PIP4K2A: variants seen among roughly 807,000 people sequenced by gnomAD.
PIP4K2A encodes the protein phosphatidylinositol 5-phosphate 4-kinase type-2 alpha.
PIP4K2A carries 14 observed loss-of-function variants against 42.9 expected under a neutral mutation model. The observed-to-expected ratio is 0.33, with a 90% CI of 0.22 to 0.51. The LOEUF (loss-of-function observed/expected upper bound fraction) is 0.51, where lower values mean the gene tolerates loss of function less well. Ranked by LOEUF, PIP4K2A falls within the 20% of genes least tolerant of loss-of-function variation. The pLI, the probability that PIP4K2A is intolerant of heterozygous loss-of-function variation, is 0.97. For synonymous variants in PIP4K2A, 192 were observed against 192.2 expected (o/e 1.00, Z 0.01); for missense variants, 434 against 519.8 (o/e 0.83, Z 1.61).
chr10:22,692,262 ATGAGAATCTAATGCTGCT>A (rs2130900827), intron 1 of PIP4K2A, among the ~76,000 whole-genome samples: 1 of 152,110 alleles, frequency 6.6e-6, no homozygotes, highest in African/African-American at 2.4e-5. Flanking sequence ...TTGCGCTCCT[ATGAGAATCTAATGCTGCT>A]GCTGATCTGA....
chr10:22,620,929 C>T (rs1211250863), intron 1 of PIP4K2A, among the ~76,000 whole-genome samples: 2 of 152,216 alleles, frequency 1.3e-5, no homozygotes, highest in Admixed American at 6.5e-5. Context: ...TGTGGCAGTG[C>T]AGGGACAAAG....
intron 1 of PIP4K2A, among the ~76,000 whole-genome samples, chr10:22,677,666 G>GA (rs1839584600): frequency 6.6e-6 from 1 of 152,080 alleles, no homozygotes; most frequent in South Asian, 2.1e-4. Context: ...AAAGGTACAA[G>GA]AAAAAAATAA....
In PIP4K2A at chr10:22,671,699, C is replaced by G. The variant is rs576391501; in HGVS notation, c.144+42484G>C. 4.0e-5 allele frequency among the ~76,000 whole-genome samples: 6 copies of G among 151,832 alleles called. No homozygotes were observed. In the South Asian group the frequency reaches 6.3e-4, roughly 16 times the overall value. ...CTTGAAGAAAAGGTTACTGAGAAGA[C>G]AGTTTTCACTATTAATTGCCTGAAT... On this transcript the variant is annotated intron_variant, in intron 1 of 9. Transcript: ENST00000376573.
rs191573393 is a variant in PIP4K2A at position 22,634,723 on chromosome 10, T to C, written c.145-25006A>G. Among the ~76,000 whole-genome samples the C allele has an allele frequency of 2.4e-3, 370 of 152,100 alleles. 5 individuals are homozygous for C. Among genetic ancestry groups the C allele is most frequent in the African/African-American group, 6.9e-3 (286 of 41,484 alleles). ...TGTAAAGTGTTTTAGGAAGCATACA[T>C]TTTTTTTAATCTATAGAGAAACCAT... is the stretch of plus-strand genomic sequence containing the variant. On this transcript the variant is annotated intron_variant, in intron 1 of 9. Coordinates refer to ENST00000376573, the MANE Select transcript of PIP4K2A (RefSeq NM_005028.5).
intron 1 of PIP4K2A, among the ~76,000 whole-genome samples, chr10:22,679,764 G>A (rs1354526054): frequency 3.3e-5 from 5 of 152,120 alleles, no homozygotes; most frequent in African/African-American, 4.8e-5. Flanking sequence ...GGTACAATGT[G>A]GATGAACCTT....
chr10:22,650,805 GGA>G (rs1448059276), intron 1 of PIP4K2A, among the ~76,000 whole-genome samples: 1 of 151,222 alleles, frequency 6.6e-6, no homozygotes, highest in East Asian at 1.9e-4. Context: ...TAAACTAGAT[GGA>G]GAGTTTCTTC....
chr10:22,625,860 A>G (rs948607349), intron 1 of PIP4K2A, among the ~76,000 whole-genome samples: 1 of 152,206 alleles, frequency 6.6e-6, no homozygotes, highest in African/African-American at 2.4e-5. Flanking sequence ...ATTCTCACTG[A>G]ACAGAAGAGA....
Position 22,679,369 on chromosome 10 carries a change from C to A in PIP4K2A, c.144+34814G>T, listed in dbSNP as rs146155284. Among the ~76,000 whole-genome samples the A allele has an allele frequency of 1.1e-4, 16 of 152,310 alleles. No individual in the cohort carries two copies. In the East Asian group the frequency reaches 2.9e-3, roughly 28 times the overall value. ...GAATCAAAACCACAATGAGATACTA[C>A]TCTTTCATACCTACTAGGATGGCTA... On this transcript the variant is annotated intron_variant, in intron 1 of 9. Transcript: ENST00000376573.
At chr10:22,547,085 C>T (rs966192153) in intron 7 of PIP4K2A, among the ~76,000 whole-genome samples, 2 of 152,152 alleles carry the variant, frequency 1.3e-5, no homozygotes, top group African/African-American at 4.8e-5. Flanking sequence ...CTACAATCTT[C>T]CTTGAGATCT....
chr10:22,581,272 C>T (rs1407935084), intron 4 of PIP4K2A, among the ~76,000 whole-genome samples: 1 of 106,104 alleles, frequency 9.4e-6, no homozygotes, highest in African/African-American at 3.4e-5. Flanking sequence ...CTCTGCCTGG[C>T]ACCTGGAGCG....
chr10:22,629,582 A>G (rs1337992009), intron 1 of PIP4K2A, among the ~76,000 whole-genome samples: 1 of 152,256 alleles, frequency 6.6e-6, no homozygotes, highest in Non-Finnish European at 1.5e-5. Context: ...AAATAATGAC[A>G]TATACTAAAA....
At position 22,687,371 on chromosome 10, in the gene PIP4K2A, G is replaced by A. The variant is rs185733421; in HGVS notation, c.144+26812C>T. ...ATGGTTATCAGAGCCGAGGTGGAGG[G>A]AGGCCCAAATGAAGAGATGGAGGTC... is the stretch of plus-strand genomic sequence containing the variant. On this transcript the variant is annotated intron_variant, in intron 1 of 9. Transcript: ENST00000376573. Among the ~76,000 whole-genome samples the A allele has an allele frequency of 5.6e-3, 849 of 152,192 alleles. 7 individuals are homozygous for A. Among genetic ancestry groups the A allele is most frequent in the Non-Finnish European group, 9.5e-3 (643 of 68,006 alleles).
At chr10:22,628,835 T>C (rs1379827479) in intron 1 of PIP4K2A, among the ~76,000 whole-genome samples, 8 of 152,164 alleles carry the variant, frequency 5.3e-5, no homozygotes, top group Admixed American at 2.6e-4. Flanking sequence ...GAACAGACTG[T>C]AAATGCTTCT....
chr10:22,619,437 TTC>T (rs1234363748), intron 1 of PIP4K2A, among the ~76,000 whole-genome samples: 5 of 130,462 alleles, frequency 3.8e-5, no homozygotes, highest in Non-Finnish European at 4.6e-5. Flanking sequence ...TTTTTCTTTT[TTC>T]TTTTTTTTTT....
At chr10:22,665,401 T>C (rs1424808530) in intron 1 of PIP4K2A, among the ~76,000 whole-genome samples, 1 of 152,146 alleles carries the variant, frequency 6.6e-6, no homozygotes, top group East Asian at 1.9e-4. Context: ...GAACGCACTA[T>C]AATTTATTTA....
chr10:22,562,059 T>C (rs1240590663), intron 6 of PIP4K2A, among the ~76,000 whole-genome samples: 2 of 152,168 alleles, frequency 1.3e-5, no homozygotes, highest in Non-Finnish European at 1.5e-5. Context: ...TTTAGTAGAC[T>C]GTTTTGATAG....
chr10:22,663,266 T>A (rs888647719), intron 1 of PIP4K2A, among the ~76,000 whole-genome samples: 2 of 152,214 alleles, frequency 1.3e-5, no homozygotes, highest in Admixed American at 1.3e-4. Flanking sequence ...CTGATATATA[T>A]TTGCTAAGGT....
At chr10:22,573,531 G>A (rs1023250774) in intron 4 of PIP4K2A, 74 bp from the exon 5 acceptor site, 15 of 1,298,396 alleles carry the variant, frequency 1.2e-5, no homozygotes, top group South Asian at 5.6e-5. Context: ...AAATACATAC[G>A]CCTATGGTGT....
intron 3 of PIP4K2A, among the ~76,000 whole-genome samples, chr10:22,603,989 G>A (rs531838182): frequency 3.6e-5 from 5 of 140,112 alleles, no homozygotes; most frequent in East Asian, 2.2e-4. Context: ...ACACACATGC[G>A]CGAGCACACA....
Sources: gnomAD v4.1 joint callset for allele counts (sites outside exome capture counted in the v4.1 genomes callset) on GRCh38, gnomAD v4.1.1 for gene constraint, MANE v1.5 for transcripts, NCBI Gene and HGNC (gene_info 2026-07-23, HGNC 2026-07-21) for gene names.